Variants in LRP1B observed in about 807,000 individuals in gnomAD.
LRP1B encodes the protein LDL receptor related protein 1B, also known as low-density lipoprotein receptor-related protein 1B.
In LRP1B, 217 loss-of-function variants were observed where a neutral mutation model predicts 556.6. The observed-to-expected ratio is 0.39, with a 90% CI of 0.35 to 0.44. LRP1B has a LOEUF of 0.44. Ranked by LOEUF, LRP1B falls within the 20% of genes least tolerant of loss-of-function variation. The pLI, the probability that LRP1B is intolerant of heterozygous loss-of-function variation, is 1.00. For missense variants in LRP1B, 5,053 were observed against 5,620.8 expected, an observed-to-expected ratio of 0.90 and a Z score of 3.23; for synonymous variants, 2,047 against 1,865.8, an observed-to-expected ratio of 1.10 and a Z score of -2.50.
intron 3 of LRP1B, among the ~76,000 whole-genome samples, chr2:141,415,050 T>A (rs1691037919): frequency 1.3e-5 from 2 of 152,188 alleles, no homozygotes; most frequent in Non-Finnish European, 2.9e-5. Flanking sequence ...AGTCTTGCTC[T>A]GTCACCCAGG....
chr2:141,596,050 A>G (rs541159976), intron 2 of LRP1B, among the ~76,000 whole-genome samples: 53 of 152,108 alleles, frequency 3.5e-4, no homozygotes, highest in African/African-American at 1.3e-3. Flanking sequence ...TTACAGGGCT[A>G]TATTAATTAT....
chr2:141,395,623 T>C (rs1023911542), intron 3 of LRP1B, among the ~76,000 whole-genome samples: 2 of 152,152 alleles, frequency 1.3e-5, no homozygotes, highest in Non-Finnish European at 2.9e-5. Context: ...AGAATGTCAT[T>C]AATTGTGTAG....
chr2:140,598,741 T>C lies in LRP1B; in HGVS notation c.7084A>G (p.Ile2362Val), dbSNP rs756467607. 3.1e-5 allele frequency: 50 copies of C among 1,612,948 alleles called. No individual in the cohort carries two copies. Among genetic ancestry groups the C allele is most frequent in the Non-Finnish European group, 4.2e-5 (50 of 1,179,140 alleles). Residue 2362 changes from isoleucine (I) to valine (V), a missense_variant, in exon 43 of 91, where the codon ATA (isoleucine) becomes GTA (valine). By Grantham distance (29) the Ile-to-Val change is conservative. This residue lies in a region of LRP1B where 3,619 missense variants were observed against 3,931.9 expected (regional missense o/e 0.92). Transcript: ENST00000389484. ...KNAQVVVSTD[I>V]LTPNGLTIDY... Reference sequence around the variant, plus strand: ...ATAGTAAGTCCATTTGGAGTGAGTATGTCTGTACTGACCACCACTTGAGCA... The same window carrying C: ...ATAGTAAGTCCATTTGGAGTGAGTACGTCTGTACTGACCACCACTTGAGCA...
intron 6 of LRP1B, among the ~76,000 whole-genome samples, chr2:141,212,398 C>T (rs1295589673): frequency 1.9e-4 from 28 of 150,292 alleles, no homozygotes; most frequent in Non-Finnish European, 3.4e-4. Flanking sequence ...CCTGCCTCAG[C>T]CTCCCAAGTA....
intron 47 of LRP1B, among the ~76,000 whole-genome samples, chr2:140,532,940 A>ATC (rs1553482110): frequency 6.5e-4 from 80 of 122,914 alleles, no homozygotes; most frequent in East Asian, 2.1e-3. Context: ...ATATATATAT[A>ATC]TATATATACA....
chr2:140,850,331 TA>T lies in LRP1B; in HGVS notation c.4712-3del, dbSNP rs1347973109. On this transcript the variant is annotated splice_region_variant and splice_polypyrimidine_tract_variant and intron_variant, in intron 28 of 90. Coordinates refer to ENST00000389484, the MANE Select transcript of LRP1B (RefSeq NM_018557.3). ...CATAAAGAAGAAATTTTTTCATTTC[TA>T]AAAAAGAAATAGAAATTCTTTTCTC... 1.9e-6 allele frequency: 3 copies of T among 1,556,132 alleles called. No individual in the cohort carries two copies. The highest frequency in any genetic ancestry group is 1.8e-6 in the Non-Finnish European group (2 of 1,138,712).
At position 141,328,375 on chromosome 2, in the gene LRP1B, T is replaced by C. The variant is rs377156409; in HGVS notation, c.344-73734A>G. Among the ~76,000 whole-genome samples the C allele has an allele frequency of 3.1e-3, 468 of 152,308 alleles. 2 individuals are homozygous for C. Among genetic ancestry groups the C allele is most frequent in the Non-Finnish European group, 4.8e-3 (326 of 68,022 alleles). On this transcript the variant is annotated intron_variant, in intron 3 of 90. Transcript: ENST00000389484. The stretch of plus-strand genomic sequence containing the variant: ...ATTAAATGAGACTATCTATAGAACA[T>C]TTAGAACCATGCTTATCATCTGGTA...
At chr2:140,709,193 A>C (rs1686943462) in intron 37 of LRP1B, among the ~76,000 whole-genome samples, 1 of 152,128 alleles carries the variant, frequency 6.6e-6, no homozygotes, top group South Asian at 2.1e-4. Flanking sequence ...AAATTAAGAG[A>C]GAAAACATGT....
chr2:141,632,880 A>G (rs1197290638), intron 2 of LRP1B, among the ~76,000 whole-genome samples: 3 of 152,006 alleles, frequency 2.0e-5, no homozygotes, highest in African/African-American at 7.2e-5. Flanking sequence ...AAAAAAAAAA[A>G]AAAAAAAAGT....
intron 20 of LRP1B, among the ~76,000 whole-genome samples, chr2:140,949,067 T>G (rs868503715): frequency 1.3e-5 from 2 of 152,340 alleles, no homozygotes; most frequent in Middle Eastern, 3.4e-3. Context: ...GTAAAACACT[T>G]TGAAAATGCT....
At chr2:141,370,862 C>T (rs72983125) in intron 3 of LRP1B, among the ~76,000 whole-genome samples, 7,006 of 152,174 alleles carry the variant, frequency 0.046, 257 homozygotes, top group African/African-American at 0.088. Flanking sequence ...CTCCTGCATA[C>T]GGCAGTCCAT....
chr2:141,567,297 C>A (rs1686367614), intron 2 of LRP1B, among the ~76,000 whole-genome samples: 1 of 151,744 alleles, frequency 6.6e-6, no homozygotes, highest in African/African-American at 2.4e-5. Context: ...AGAAGAATTG[C>A]AATAATTATA....
intron 3 of LRP1B, among the ~76,000 whole-genome samples, chr2:141,471,494 G>A (rs568831949): frequency 1.1e-4 from 17 of 152,006 alleles, no homozygotes; most frequent in African/African-American, 3.6e-4. Context: ...CTGCACTTAT[G>A]CCTCTGTATA....
chr2:140,858,086 A>C (rs1417238888), intron 27 of LRP1B, among the ~76,000 whole-genome samples: 1 of 152,202 alleles, frequency 6.6e-6, no homozygotes, highest in African/African-American at 2.4e-5. Context: ...GAATAAATTG[A>C]GACATTTTTG....
At chr2:141,041,132 T>G (rs910838030) in intron 11 of LRP1B, among the ~76,000 whole-genome samples, 8 of 152,044 alleles carry the variant, frequency 5.3e-5, no homozygotes, top group African/African-American at 1.9e-4. Flanking sequence ...CAACTTCTCT[T>G]CTGATATTAT....
chr2:141,504,425 C>A (rs1683845009), intron 2 of LRP1B, among the ~76,000 whole-genome samples: 1 of 151,974 alleles, frequency 6.6e-6, no homozygotes, highest in South Asian at 2.1e-4. Flanking sequence ...AGAAATGACT[C>A]CACTTAAAAA....
At chr2:141,669,333 G>T (rs1315704168) in intron 2 of LRP1B, among the ~76,000 whole-genome samples, 1 of 152,042 alleles carries the variant, frequency 6.6e-6, no homozygotes, top group African/African-American at 2.4e-5. Flanking sequence ...GGCCTCAGAA[G>T]AAACCAACCC....
chr2:141,536,413 G>T (rs557692746), intron 2 of LRP1B, among the ~76,000 whole-genome samples: 1 of 152,072 alleles, frequency 6.6e-6, no homozygotes, highest in South Asian at 2.1e-4. Context: ...TTATAAGCTT[G>T]CATGATGAAA....
intron 41 of LRP1B, among the ~76,000 whole-genome samples, chr2:140,647,303 C>A (rs1424416596): frequency 6.6e-6 from 1 of 152,046 alleles, no homozygotes; most frequent in African/African-American, 2.4e-5. Context: ...TCTTTCCAAC[C>A]CTTTATGCTT....
Sources: allele counts gnomAD v4.1 joint callset (sites outside exome capture counted in the v4.1 genomes callset), GRCh38; gene constraint gnomAD v4.1.1; regional missense constraint gnomAD v4.1.1; transcripts MANE v1.5; gene names NCBI Gene and HGNC (gene_info 2026-07-23, HGNC 2026-07-21).